Variants in PCDH9 observed in about 807,000 individuals in gnomAD.
PCDH9 encodes protocadherin-9.
A neutral mutation model predicts 70.6 loss-of-function variants in PCDH9; 24 were observed. That is an observed-to-expected ratio of 0.34 (90% CI 0.25 to 0.48). The LOEUF (loss-of-function observed/expected upper bound fraction) is 0.48, where lower values mean the gene tolerates loss of function less well. PCDH9 is among the 20% of genes least tolerant of loss of function. The probability of loss-of-function intolerance (pLI) is 0.99; values close to 1 mark genes in which losing one functional copy is unlikely to be tolerated. For synonymous variants in PCDH9, 562 were observed against 558.5 expected, an observed-to-expected ratio of 1.01 and a Z score of -0.09; for missense variants, 1,281 against 1,503.6, an observed-to-expected ratio of 0.85 and a Z score of 2.45.
chr13:66,368,206 T>TTAA (rs1956584906), intron 4 of PCDH9, among the ~76,000 whole-genome samples: 1 of 152,088 alleles, frequency 6.6e-6, no homozygotes, highest in African/African-American at 2.4e-5. Flanking sequence ...TTTCTAAATG[T>TTAA]CTTTAACATT....
At chr13:67,153,018 G>A (rs1198554056) in intron 2 of PCDH9, among the ~76,000 whole-genome samples, 1 of 151,880 alleles carries the variant, frequency 6.6e-6, no homozygotes, top group Non-Finnish European at 1.5e-5. Context: ...CTCCCACCTG[G>A]AAGTGCACTC....
At chr13:67,162,907 A>G (rs577611764) in intron 2 of PCDH9, among the ~76,000 whole-genome samples, 2 of 152,190 alleles carry the variant, frequency 1.3e-5, no homozygotes, top group African/African-American at 4.8e-5. Context: ...TTTAGTGGTG[A>G]AATTTAGAAA....
chr13:66,331,511 C>T (rs866984290), intron 4 of PCDH9, among the ~76,000 whole-genome samples: 7 of 152,102 alleles, frequency 4.6e-5, no homozygotes, highest in South Asian at 2.1e-4. Flanking sequence ...TATAAGTGAT[C>T]AAAACTTCTC....
intron 3 of PCDH9, among the ~76,000 whole-genome samples, chr13:66,677,426 G>A (rs1273558558): frequency 2.0e-5 from 3 of 152,014 alleles, no homozygotes; most frequent in Non-Finnish European, 4.4e-5. Flanking sequence ...TAAACAGGCA[G>A]CTGGTATAGT....
chr13:67,141,351 G>T (rs1221020230), intron 2 of PCDH9, among the ~76,000 whole-genome samples: 1 of 152,116 alleles, frequency 6.6e-6, no homozygotes, highest in Non-Finnish European at 1.5e-5. Context: ...ATTTTGGGAG[G>T]CTGAAGCAGG....
intron 2 of PCDH9, among the ~76,000 whole-genome samples, chr13:66,969,829 T>C (rs764308093): frequency 3.3e-5 from 5 of 152,060 alleles, no homozygotes; most frequent in Non-Finnish European, 4.4e-5. Context: ...AAATGGGACA[T>C]GTATACACTC....
intron 4 of PCDH9, among the ~76,000 whole-genome samples, chr13:66,471,543 T>A (rs1023767204): frequency 1.3e-5 from 2 of 152,226 alleles, no homozygotes; most frequent in South Asian, 2.1e-4. Context: ...ATTTTAACAT[T>A]ATAATACCTA....
At chr13:66,550,675 G>C (rs1961443634) in intron 4 of PCDH9, among the ~76,000 whole-genome samples, 1 of 152,126 alleles carries the variant, frequency 6.6e-6, no homozygotes, top group South Asian at 2.1e-4. Context: ...TTTTACATGA[G>C]AGAAAAATAA....
intron 2 of PCDH9, among the ~76,000 whole-genome samples, chr13:67,062,790 G>T (rs1330524424): frequency 6.6e-6 from 1 of 152,130 alleles, no homozygotes; most frequent in Admixed American, 6.6e-5. Flanking sequence ...ACATGCTTTA[G>T]TTTAATTAAA....
intron 3 of PCDH9, among the ~76,000 whole-genome samples, chr13:66,844,071 T>G (rs560080413): frequency 1.1e-3 from 172 of 152,278 alleles, no homozygotes; most frequent in Admixed American, 2.0e-3. Flanking sequence ...GAGTGAGTAG[T>G]GTGTGGAAAA....
At chr13:66,605,647 A>C (rs189972343) in intron 4 of PCDH9, among the ~76,000 whole-genome samples, 1 of 152,322 alleles carries the variant, frequency 6.6e-6, no homozygotes, top group East Asian at 1.9e-4. Context: ...ATTCAGCAGG[A>C]CTGGCACTCT....
chr13:66,715,892 C>T (rs983828838), intron 3 of PCDH9, among the ~76,000 whole-genome samples: 7 of 152,186 alleles, frequency 4.6e-5, no homozygotes, highest in African/African-American at 1.7e-4. Context: ...CATCTGCTTT[C>T]GCAGTTGTAC....
At chr13:66,954,530 C>A (rs941580282) in intron 2 of PCDH9, among the ~76,000 whole-genome samples, 12 of 152,144 alleles carry the variant, frequency 7.9e-5, no homozygotes, top group Non-Finnish European at 1.6e-4. Context: ...AAAACACTAC[C>A]TTGAATGATC....
chr13:67,182,842 G>T (rs2138488443), intron 2 of PCDH9, among the ~76,000 whole-genome samples: 2 of 152,152 alleles, frequency 1.3e-5, no homozygotes, highest in Middle Eastern at 3.4e-3. Context: ...TTCTCATTAT[G>T]CCATAAATTC....
intron 4 of PCDH9, among the ~76,000 whole-genome samples, chr13:66,337,043 C>T (rs1956048887): frequency 6.6e-6 from 1 of 151,470 alleles, no homozygotes; most frequent in African/African-American, 2.4e-5. Context: ...TGTTTCTTTC[C>T]CTAAAATAAA....
intron 3 of PCDH9, among the ~76,000 whole-genome samples, chr13:66,763,409 T>G (rs1362591858): frequency 6.6e-6 from 1 of 151,970 alleles, no homozygotes; most frequent in Non-Finnish European, 1.5e-5. Context: ...GATATAAGAA[T>G]GAGGTCAGAT....
At chr13:66,593,962 GT>G (rs1219593876) in intron 4 of PCDH9, among the ~76,000 whole-genome samples, 4 of 151,180 alleles carry the variant, frequency 2.6e-5, no homozygotes, top group Non-Finnish European at 4.4e-5. Flanking sequence ...TTAATCATTA[GT>G]TTTTTTTCAG....
intron 3 of PCDH9, among the ~76,000 whole-genome samples, chr13:66,890,411 C>T (rs4884707): frequency 0.27 from 38,997 of 146,376 alleles, 5,758 homozygotes; most frequent in East Asian, 0.39. Context: ...CTTGACTAAA[C>T]TTTAGACAAA....
At chr13:66,916,941 T>C (rs1442462473) in intron 2 of PCDH9, among the ~76,000 whole-genome samples, 1 of 151,536 alleles carries the variant, frequency 6.6e-6, no homozygotes, top group Non-Finnish European at 1.5e-5. Context: ...TTACAAACTT[T>C]TAAACAAGCA....
Sources: gnomAD v4.1 joint callset for allele counts (sites outside exome capture counted in the v4.1 genomes callset) on GRCh38, gnomAD v4.1.1 for gene constraint, MANE v1.5 for transcripts, NCBI Gene and HGNC (gene_info 2026-07-23, HGNC 2026-07-21) for gene names.